CTNNA2: variants seen among roughly 807,000 people sequenced by gnomAD.
CTNNA2 encodes the protein catenin alpha-2.
In CTNNA2, 42 loss-of-function variants were observed where a neutral mutation model predicts 101.0. The ratio of observed to expected loss-of-function variants is 0.42; its 90% CI spans 0.32 to 0.54. The LOEUF is 0.54. Ranked by LOEUF, CTNNA2 falls within the 20% of genes least tolerant of loss-of-function variation. CTNNA2 has a pLI of 0.14. For missense variants in CTNNA2, 871 were observed against 1,223.1 expected (o/e 0.71, Z 4.29); for synonymous variants, 450 against 456.4 (o/e 0.99, Z 0.18).
At chr2:79,607,446 T>C (rs1228159902) in intron 1 of CTNNA2, among the ~76,000 whole-genome samples, 3 of 152,126 alleles carry the variant, frequency 2.0e-5, no homozygotes. Flanking sequence ...AACTGCAGAA[T>C]ACATACATTT....
chr2:80,463,254 T>C (rs896371426), intron 9 of CTNNA2, among the ~76,000 whole-genome samples: 4 of 152,190 alleles, frequency 2.6e-5, no homozygotes, highest in African/African-American at 9.7e-5. Flanking sequence ...CACTTCTTTA[T>C]CCAGTAACAT....
chr2:80,363,787 A>G (rs78352096), intron 7 of CTNNA2, among the ~76,000 whole-genome samples: 5,921 of 152,282 alleles, frequency 0.039, 396 homozygotes, highest in African/African-American at 0.13. Context: ...AATCTTAGCC[A>G]GGAAATAAAT....
At position 80,311,674 on chromosome 2, in the gene CTNNA2, C is replaced by T. The variant is rs1392062835; in HGVS notation, c.1057-81537C>T. ...ATCCAGCATTACTTAAAATGCTCTA[C>T]GAGGGTAAAAGTATTTAAATGCATT... On this transcript the variant is annotated intron_variant, in intron 7 of 18. Transcript: ENST00000402739. Among the ~76,000 whole-genome samples, 9 of 152,280 alleles carry T rather than the reference C, an allele frequency of 5.9e-5. No homozygotes were observed. The East Asian group carries it at 7.7e-4, about 13-fold the overall frequency.
At chr2:80,336,733 T>A (rs1177271858) in intron 7 of CTNNA2, among the ~76,000 whole-genome samples, 1 of 152,202 alleles carries the variant, frequency 6.6e-6, no homozygotes, top group Non-Finnish European at 1.5e-5. Context: ...ATAGAAAACA[T>A]TTTCACAGGA....
chr2:80,359,415 T>C (rs2149313868), intron 7 of CTNNA2, among the ~76,000 whole-genome samples: 1 of 152,284 alleles, frequency 6.6e-6, no homozygotes, highest in South Asian at 2.1e-4. Flanking sequence ...CATGTTCAGT[T>C]GTAATCCCCA....
chr2:80,587,789 G>C lies in CTNNA2; in HGVS notation c.2008-1515G>C, dbSNP rs141793058. Among the ~76,000 whole-genome samples the C allele has an allele frequency of 5.7e-3, 871 of 152,296 alleles. 5 individuals are homozygous for C. Among genetic ancestry groups the C allele is most frequent in the Non-Finnish European group, 8.7e-3 (594 of 68,028 alleles). ...TCTTGGTCTGTCTTATGGAAAATATGTGCATCCTAGAAGCAGGGGAATTGG... is the reference window on the plus strand; with the variant it reads ...TCTTGGTCTGTCTTATGGAAAATATCTGCATCCTAGAAGCAGGGGAATTGG... On this transcript the variant is annotated intron_variant, in intron 14 of 18. Coordinates refer to ENST00000402739, the MANE Select transcript of CTNNA2 (RefSeq NM_001282597.3).
intron 3 of CTNNA2, among the ~76,000 whole-genome samples, chr2:79,812,163 T>C (rs2105342552): frequency 6.6e-6 from 1 of 152,318 alleles, no homozygotes; most frequent in Admixed American, 6.5e-5. Context: ...TTTTTCTACA[T>C]TGACAACTCT....
chr2:79,496,096 A>G (rs1307858599), intron 4 of CTNNA2, among the ~76,000 whole-genome samples: 2 of 152,190 alleles, frequency 1.3e-5, no homozygotes, highest in African/African-American at 2.4e-5. Flanking sequence ...TCAACTATGA[A>G]CATATTAAAA....
At chr2:80,072,228 C>A (rs10496236) in intron 7 of CTNNA2, among the ~76,000 whole-genome samples, 24,749 of 152,130 alleles carry the variant, frequency 0.16, 2,837 homozygotes, top group East Asian at 0.46. Flanking sequence ...GGCTACTCAG[C>A]ATTCCACAAG....
intron 1 of CTNNA2, among the ~76,000 whole-genome samples, chr2:79,638,260 A>T (rs1056571051): frequency 2.6e-5 from 4 of 152,172 alleles, no homozygotes; most frequent in Admixed American, 2.6e-4. Flanking sequence ...AGCCATGTAG[A>T]TTCATTTTTT....
intron 2 of CTNNA2, among the ~76,000 whole-genome samples, chr2:79,691,368 A>G (rs1422723494): frequency 6.6e-6 from 1 of 151,972 alleles, no homozygotes; most frequent in Non-Finnish European, 1.5e-5. Flanking sequence ...CATTTAGTGG[A>G]TACCATAGAG....
At chr2:80,074,595 C>T (rs951792051) in intron 7 of CTNNA2, among the ~76,000 whole-genome samples, 1 of 152,110 alleles carries the variant, frequency 6.6e-6, no homozygotes, top group Non-Finnish European at 1.5e-5. Context: ...ATCAAACAAC[C>T]TGAGTCCTGT....
Position 80,005,277 on chromosome 2 carries a change from G to A in CTNNA2, c.1056+95480G>A, listed in dbSNP as rs181187550. 9.2e-5 allele frequency among the ~76,000 whole-genome samples: 14 copies of A among 152,246 alleles called. No individual in the cohort carries two copies. In the East Asian group the frequency reaches 2.1e-3, roughly 23 times the overall value. ...CTGTGGAGGGGCAGATAGGGGCTAC[G>A]TTGATCTAGAAGGGGATTCACATAT... On this transcript the variant is annotated intron_variant, in intron 7 of 18. Coordinates refer to ENST00000402739, the MANE Select transcript of CTNNA2 (RefSeq NM_001282597.3).
chr2:79,332,484 C>G (rs1358431226), intron 3 of CTNNA2, among the ~76,000 whole-genome samples: 1 of 152,116 alleles, frequency 6.6e-6, no homozygotes, highest in Non-Finnish European at 1.5e-5. Context: ...TAGCAACAAT[C>G]ACTTCCACTT....
chr2:80,441,501 A>G (rs749152426), intron 9 of CTNNA2, among the ~76,000 whole-genome samples: 9 of 152,142 alleles, frequency 5.9e-5, no homozygotes, highest in Non-Finnish European at 1.0e-4. Flanking sequence ...TCAGAAGCTC[A>G]TGTTGGGTTG....
In CTNNA2 at chr2:80,330,507, T is replaced by C. The variant is rs1671222442; in HGVS notation, c.1057-62704T>C. The stretch of plus-strand genomic sequence containing the variant: ...ACTGCATCTACTTTTTTCTTTTTTT[T>C]TTTTTGCAATTGAAATTAATTTAAA... On this transcript the variant is annotated intron_variant, in intron 7 of 18. Coordinates refer to ENST00000402739, the MANE Select transcript of CTNNA2 (RefSeq NM_001282597.3). 1.3e-5 allele frequency among the ~76,000 whole-genome samples: 2 copies of C among 152,152 alleles called. 1 individual carries two copies. Among genetic ancestry groups the C allele is most frequent in the African/African-American group, 4.8e-5 (2 of 41,454 alleles).
intron 4 of CTNNA2, among the ~76,000 whole-genome samples, chr2:79,861,499 G>A (rs183984213): frequency 5.3e-5 from 8 of 152,172 alleles, no homozygotes; most frequent in Non-Finnish European, 7.3e-5. Context: ...TGCTGAGGTC[G>A]TGTGGTTTGG....
intron 9 of CTNNA2, among the ~76,000 whole-genome samples, chr2:80,472,587 T>C (rs1685396990): frequency 6.6e-6 from 1 of 152,184 alleles, no homozygotes; most frequent in Admixed American, 6.5e-5. Context: ...TTGTGTCCAT[T>C]AGGTACCAGA....
intron 1 of CTNNA2, among the ~76,000 whole-genome samples, chr2:79,544,053 C>A (rs552699306): frequency 5.9e-5 from 9 of 152,052 alleles, no homozygotes; most frequent in African/African-American, 2.2e-4. Flanking sequence ...ATTCTCTTGC[C>A]CAGCCTCCTG....
Sources: allele counts gnomAD v4.1 joint callset (sites outside exome capture counted in the v4.1 genomes callset), GRCh38; gene constraint gnomAD v4.1.1; transcripts MANE v1.5; gene names NCBI Gene and HGNC (gene_info 2026-07-23, HGNC 2026-07-21).